SBF2: variants seen among roughly 807,000 people sequenced by gnomAD.
The protein encoded by SBF2 is SET binding factor 2, also known as myotubularin-related protein 13.
Under a neutral mutation model 225.2 loss-of-function variants are expected in SBF2, and 112 were observed. The ratio of observed to expected loss-of-function variants is 0.50; its 90% CI spans 0.43 to 0.58. SBF2 has a LOEUF of 0.58. Among genes scored for constraint, SBF2 ranks in the 20% least tolerant of loss-of-function variants. The pLI is 0.00. For missense variants in SBF2, 1,996 were observed against 2,206.2 expected (o/e 0.90, Z 1.91); for synonymous variants, 763 against 773.3 (o/e 0.99, Z 0.22).
chr11:10,054,860 CCAT>C lies in SBF2; in HGVS notation c.142-11882_142-11880del, dbSNP rs150315607. Among the ~76,000 whole-genome samples the C allele has an allele frequency of 2.6e-3, 389 of 151,822 alleles. 3 individuals are homozygous for C. Among genetic ancestry groups the C allele is most frequent in the African/African-American group, 9.1e-3 (377 of 41,420 alleles). On this transcript the variant is annotated intron_variant, in intron 2 of 39. Transcript: ENST00000256190. ...AAACTAAAACCACAACGAGATACCA[CCAT>C]GAGAATGCCCATTATTTTTATTTGT...
At chr11:10,174,553 A>T (rs1956368481) in intron 2 of SBF2, among the ~76,000 whole-genome samples, 1 of 152,222 alleles carries the variant, frequency 6.6e-6, no homozygotes, top group African/African-American at 2.4e-5. Flanking sequence ...CCTGAAAGTG[A>T]TGGGGAGAAT....
At chr11:9,884,012 G>C (rs1484466081) in intron 17 of SBF2, among the ~76,000 whole-genome samples, 1 of 152,162 alleles carries the variant, frequency 6.6e-6, no homozygotes, top group Non-Finnish European at 1.5e-5. Flanking sequence ...TTAGGGTTCT[G>C]AGACTCTTGA....
At chr11:9,974,782 G>A (rs1023097265) in intron 13 of SBF2, among the ~76,000 whole-genome samples, 18 of 150,848 alleles carry the variant, frequency 1.2e-4, no homozygotes, top group Non-Finnish European at 2.4e-4. Flanking sequence ...TCAACATGGA[G>A]AAACCCCGCC....
intron 1 of SBF2, among the ~76,000 whole-genome samples, chr11:10,268,771 T>C (rs1962222544): frequency 6.6e-6 from 1 of 152,252 alleles, no homozygotes; most frequent in Non-Finnish European, 1.5e-5. Context: ...AGGAACTCTT[T>C]TTCAGTCTAA....
intron 6 of SBF2, among the ~76,000 whole-genome samples, chr11:10,004,759 A>C (rs1948122657): frequency 6.6e-6 from 1 of 152,132 alleles, no homozygotes; most frequent in African/African-American, 2.4e-5. Flanking sequence ...ACTAAAGCTT[A>C]AGTGACTATT....
intron 2 of SBF2, among the ~76,000 whole-genome samples, chr11:10,084,147 GAACAA>G (rs1951466881): frequency 6.6e-6 from 1 of 151,520 alleles, no homozygotes; most frequent in Non-Finnish European, 1.5e-5. Flanking sequence ...TTCAAACTAA[GAACAA>G]AACAAAACAA....
In SBF2 at chr11:9,961,619, T is replaced by C. The variant is rs1217783331; in HGVS notation, c.1860+338A>G. The C allele has an allele frequency of 5.6e-5, 10 of 178,020 alleles. No homozygotes were observed. The East Asian group carries it at 1.5e-3, about 27-fold the overall frequency. 11.0% of individuals were successfully genotyped at this position (178,020 alleles called of 1,614,324 possible). On this transcript the variant is annotated intron_variant, in intron 16 of 39. Coordinates refer to ENST00000256190, the MANE Select transcript of SBF2 (RefSeq NM_030962.4). ...ATTCATTGTCCTCTGCTTGGACAAC[T>C]GAAAACTGACTGAAAAGGGCTGATG...
At chr11:9,989,624 T>C in intron 12 of SBF2, 29 bp from the exon 13 acceptor site, 1 of 1,330,982 alleles carries the variant, frequency 7.5e-7, no homozygotes, top group Non-Finnish European at 1.1e-6. Flanking sequence ...TGGCAAAACA[T>C]CAATTCCAAA....
intron 31 of SBF2, chr11:9,808,598 A>G (rs1422614160): frequency 1.2e-5 from 5 of 410,926 alleles, no homozygotes; most frequent in Non-Finnish European, 2.3e-5. Flanking sequence ...CAGGGGATGG[A>G]CTGACAAAAC....
intron 3 of SBF2, among the ~76,000 whole-genome samples, chr11:10,040,502 C>A (rs758683448): frequency 6.6e-6 from 1 of 150,790 alleles, no homozygotes; most frequent in East Asian, 1.9e-4. Context: ...TGAAAAGAGA[C>A]GAAAGAGAAA....
At chr11:9,932,912 C>A (rs1323731587) in intron 16 of SBF2, among the ~76,000 whole-genome samples, 1 of 123,426 alleles carries the variant, frequency 8.1e-6, no homozygotes, top group East Asian at 2.9e-4. Context: ...CACACATAGG[C>A]TCAAAATAAA....
chr11:10,005,006 C>G (rs1336714917), intron 6 of SBF2, among the ~76,000 whole-genome samples: 1 of 152,146 alleles, frequency 6.6e-6, no homozygotes, highest in Non-Finnish European at 1.5e-5. Flanking sequence ...ATCCCCCACC[C>G]CCATGCCACC....
intron 2 of SBF2, among the ~76,000 whole-genome samples, chr11:10,128,514 A>G (rs1342837502): frequency 6.6e-6 from 1 of 152,246 alleles, no homozygotes; most frequent in Non-Finnish European, 1.5e-5. Context: ...TAACCACAGA[A>G]TATCAATCTG....
chr11:9,947,750 T>G (rs938060027), intron 16 of SBF2, among the ~76,000 whole-genome samples: 1 of 151,962 alleles, frequency 6.6e-6, no homozygotes, highest in Admixed American at 6.6e-5. Flanking sequence ...TGATATCCGG[T>G]TCACATACAT....
At chr11:10,170,039 T>C (rs986963532) in intron 2 of SBF2, among the ~76,000 whole-genome samples, 1 of 152,124 alleles carries the variant, frequency 6.6e-6, no homozygotes, top group Non-Finnish European at 1.5e-5. Flanking sequence ...TTAGATTTTT[T>C]TTCACTACAC....
rs71034756 is a variant in SBF2 at position 10,196,876 on chromosome 11, T to TTTTTTTTTTTC, written c.56-2890_56-2889insGAAAAAAAAAA. 4.1e-3 allele frequency among the ~76,000 whole-genome samples: 491 copies of TTTTTTTTTTTC among 118,926 alleles called. 10 individuals are homozygous for TTTTTTTTTTTC. The highest frequency in any genetic ancestry group is 0.014 in the African/African-American group (460 of 32,900). The allele number at this position is 118,926 out of a possible 152,430, so 78.0% of individuals were successfully genotyped here. Reference sequence around the variant, plus strand: ...TATATATATATATATATTTTTTTTTTCCTACAAAATGAATACCACACTGAA... The same window carrying TTTTTTTTTTTC: ...TATATATATATATATATTTTTTTTTTTTTTTTTTTTCCCTACAAAATGAATACCACACTGAA... On this transcript the variant is annotated intron_variant, in intron 1 of 39. Coordinates refer to ENST00000256190, the MANE Select transcript of SBF2 (RefSeq NM_030962.4).
chr11:10,011,856 T>C (rs72857201), intron 6 of SBF2, among the ~76,000 whole-genome samples: 7,950 of 152,316 alleles, frequency 0.052, 295 homozygotes, highest in Middle Eastern at 0.16. Flanking sequence ...TTGGGCTTCA[T>C]TGTGCTTCTT....
chr11:9,945,716 A>G (rs1010080499), intron 16 of SBF2, among the ~76,000 whole-genome samples: 2 of 152,218 alleles, frequency 1.3e-5, no homozygotes, highest in Non-Finnish European at 2.9e-5. Context: ...TAATATTGAG[A>G]ATCTAAAAGA....
intron 1 of SBF2, among the ~76,000 whole-genome samples, chr11:10,235,796 A>C (rs1463329056): frequency 6.6e-6 from 1 of 152,182 alleles, no homozygotes; most frequent in Non-Finnish European, 1.5e-5. Flanking sequence ...CATTCAAGAT[A>C]GGTAGCAAAT....
Sources: allele counts gnomAD v4.1 joint callset (sites outside exome capture counted in the v4.1 genomes callset), GRCh38; gene constraint gnomAD v4.1.1; transcripts MANE v1.5; gene names NCBI Gene and HGNC (gene_info 2026-07-23, HGNC 2026-07-21).